Variants in ARID1B observed in about 807,000 individuals in gnomAD.
The protein encoded by ARID1B is AT-rich interaction domain 1B.
A neutral mutation model predicts 212.3 loss-of-function variants in ARID1B; 30 were observed. The observed-to-expected ratio is 0.14, with a 90% CI of 0.11 to 0.19. The LOEUF is 0.19. Among genes scored for constraint, ARID1B ranks in the 10% least tolerant of loss-of-function variants. The probability of loss-of-function intolerance (pLI) is 1.00; values close to 1 mark genes in which losing one functional copy is unlikely to be tolerated. For missense variants in ARID1B, 2,891 were observed against 3,204.0 expected (o/e 0.90, Z 2.36); for synonymous variants, 1,402 against 1,301.7 (o/e 1.08, Z -1.66).
At chr6:156,912,650 A>G (rs1789989234) in intron 3 of ARID1B, among the ~76,000 whole-genome samples, 1 of 152,194 alleles carries the variant, frequency 6.6e-6, no homozygotes, top group Admixed American at 6.5e-5. Flanking sequence ...CATTGAAGAA[A>G]TCAACACAAG....
chr6:156,975,602 A>ATTTTTTT (rs57649427), intron 4 of ARID1B, among the ~76,000 whole-genome samples: 1 of 86,296 alleles, frequency 1.2e-5, no homozygotes, highest in Non-Finnish European at 2.4e-5. Context: ...GTTTGACTGT[A>ATTTTTTT]TTTTTTTTTT....
intron 9 of ARID1B, chr6:157,170,323 A>AATCT (rs1282356080): frequency 6.6e-6 from 1 of 152,182 alleles, no homozygotes; most frequent in Non-Finnish European, 1.5e-5. Flanking sequence ...CTAGAATATC[A>AATCT]ATCTTCCAGC....
chr6:156,974,836 C>T (rs952462485), intron 4 of ARID1B, among the ~76,000 whole-genome samples: 3 of 152,220 alleles, frequency 2.0e-5, no homozygotes, highest in African/African-American at 7.2e-5. Flanking sequence ...CACACTGTCT[C>T]TCCCTTCTCT....
intron 4 of ARID1B, among the ~76,000 whole-genome samples, chr6:157,084,427 T>C (rs147679495): frequency 1.4e-4 from 22 of 152,300 alleles, no homozygotes; most frequent in African/African-American, 4.8e-4. Flanking sequence ...GGGATGGTTT[T>C]ATCAAAGAGA....
chr6:156,836,468 G>C (rs1783519795), intron 2 of ARID1B, among the ~76,000 whole-genome samples: 1 of 152,128 alleles, frequency 6.6e-6, no homozygotes. Context: ...TGACCCAAAG[G>C]AATGAAATGG....
chr6:156,821,185 A>G (rs989999114), intron 1 of ARID1B, among the ~76,000 whole-genome samples: 8 of 152,222 alleles, frequency 5.3e-5, no homozygotes, highest in Non-Finnish European at 8.8e-5. Context: ...ATAAAGACCA[A>G]CTTCTTCTAC....
intron 4 of ARID1B, among the ~76,000 whole-genome samples, chr6:157,007,837 G>A (rs189293055): frequency 2.7e-5 from 4 of 150,852 alleles, no homozygotes; most frequent in Admixed American, 6.6e-5. Flanking sequence ...CACCATGCCC[G>A]GCTAATTTTG....
chr6:157,134,176 T>C (rs1427720909), intron 7 of ARID1B, among the ~76,000 whole-genome samples: 1 of 152,192 alleles, frequency 6.6e-6, no homozygotes, highest in African/African-American at 2.4e-5. Flanking sequence ...TGTAGCGCCT[T>C]AGTATTTCCT....
chr6:157,015,206 A>G (rs1779849873), intron 4 of ARID1B, among the ~76,000 whole-genome samples: 1 of 152,244 alleles, frequency 6.6e-6, no homozygotes, highest in Admixed American at 6.5e-5. Context: ...CACCAGGGAT[A>G]TGATTTCTGA....
intron 4 of ARID1B, among the ~76,000 whole-genome samples, chr6:157,066,102 C>A (rs574148195): frequency 6.6e-6 from 1 of 152,270 alleles, no homozygotes; most frequent in African/African-American, 2.4e-5. Context: ...TTTAGTCTCC[C>A]CACAGAAAAC....
intron 4 of ARID1B, among the ~76,000 whole-genome samples, chr6:156,959,780 A>G (rs1263560906): frequency 6.6e-6 from 1 of 152,128 alleles, no homozygotes; most frequent in Non-Finnish European, 1.5e-5. Context: ...TAAATAAAAA[A>G]TATGTCCACC....
intron 4 of ARID1B, among the ~76,000 whole-genome samples, chr6:157,002,838 G>A (rs1778982518): frequency 6.6e-6 from 1 of 152,182 alleles, no homozygotes; most frequent in African/African-American, 2.4e-5. Context: ...TTGATAGACA[G>A]GATTATGTAG....
chr6:157,054,312 A>G (rs1782798267), intron 4 of ARID1B, among the ~76,000 whole-genome samples: 1 of 152,156 alleles, frequency 6.6e-6, no homozygotes. Context: ...CTTAAAACTG[A>G]GATTTGTAAC....
chr6:157,007,733 T>G lies in ARID1B; in HGVS notation c.2247+72157T>G, dbSNP rs552102984. ...TTAAGGAAGCCCTAAGTTGTTTTTTTTTTTTTTTTTCCCCAAGACAGAGTC... is the reference window on the plus strand; with the variant it reads ...TTAAGGAAGCCCTAAGTTGTTTTTTGTTTTTTTTTTCCCCAAGACAGAGTC... On this transcript the variant is annotated intron_variant, in intron 4 of 19. Transcript: ENST00000636930. Among the ~76,000 whole-genome samples the G allele has an allele frequency of 2.3e-3, 325 of 141,202 alleles. 4 individuals are homozygous for G. The Middle Eastern group carries it at 0.036, about 16-fold the overall frequency. The allele number at this position is 141,202 out of a possible 152,430, so 92.6% of individuals were successfully genotyped here. A position where few individuals can be genotyped will look rare whatever the true frequency, so the allele number is the denominator to read the frequency against.
Position 156,788,426 on chromosome 6 carries a change from C to T in ARID1B, c.1791+8955C>T, listed in dbSNP as rs114366206. Among the ~76,000 whole-genome samples the T allele has an allele frequency of 4.4e-3, 671 of 152,318 alleles. 6 individuals carry two copies. Among genetic ancestry groups the T allele is most frequent in the African/African-American group, 0.016 (649 of 41,570 alleles). ...CAAGCTGCTACCCCATTCAATATCC[C>T]ATCCCTAATATTAATTAGTGGTCTC... is the stretch of plus-strand genomic sequence containing the variant. On this transcript the variant is annotated intron_variant, in intron 1 of 19. Transcript: ENST00000636930.
In ARID1B at chr6:156,901,480, G is replaced by A. The variant is rs146312104; in HGVS notation, c.2091G>A (p.Ala697=). The A allele has an allele frequency of 4.3e-6, 7 of 1,613,756 alleles. No individual in the cohort carries two copies. Among genetic ancestry groups the A allele is most frequent in the East Asian group, 2.2e-5 (1 of 44,888 alleles). ...AGCCCCCGCACCTCCCACCCCAGGC[G>A]CAGTATCTGCCGTCCCAGTCCCAGC... ...QPQPPHLPPQ[A]QYLPSQSQQR... is the part of the protein sequence containing the mutation. The change falls in exon 3 of 20, where the codon GCG becomes GCA. Residue 697 remains alanine, a synonymous_variant. Coordinates refer to ENST00000636930, the MANE Select transcript of ARID1B (RefSeq NM_001374828.1).
At chr6:157,063,999 G>C (rs1374938441) in intron 4 of ARID1B, among the ~76,000 whole-genome samples, 1 of 152,206 alleles carries the variant, frequency 6.6e-6, no homozygotes, top group Non-Finnish European at 1.5e-5. Flanking sequence ...TCTGTGAGGG[G>C]GGCATCAGAA....
rs183562335 is a variant in ARID1B, at chr6:157,160,240, C to T, written c.3090-6800C>T. On this transcript the variant is annotated intron_variant, in intron 8 of 19. Transcript: ENST00000636930. Reference sequence around the variant, plus strand: ...CCTGAGAGTCCACCTGCCTGTGTGACGCTAGGTGCTCAGAGGCCTGTCCAA... The same window carrying T: ...CCTGAGAGTCCACCTGCCTGTGTGATGCTAGGTGCTCAGAGGCCTGTCCAA... Among the ~76,000 whole-genome samples, 15 of 152,322 alleles carry T rather than the reference C, an allele frequency of 9.8e-5. No homozygotes were observed. In the South Asian group the frequency reaches 2.7e-3, roughly 27 times the overall value.
At chr6:156,985,865 T>C (rs890470605) in intron 4 of ARID1B, among the ~76,000 whole-genome samples, 31 of 152,278 alleles carry the variant, frequency 2.0e-4, no homozygotes, top group African/African-American at 6.7e-4. Context: ...GCCTGGCTCA[T>C]CTCGGATCAG....
Sources: allele counts gnomAD v4.1 joint callset (sites outside exome capture counted in the v4.1 genomes callset), GRCh38; gene constraint gnomAD v4.1.1; transcripts MANE v1.5; gene names NCBI Gene and HGNC (gene_info 2026-07-23, HGNC 2026-07-21).